The following SOX5 variants were observed in gnomAD, a reference collection of about 807,000 sequenced individuals.
SOX5 encodes the protein transcription factor SOX-5.
SOX5 carries 9 observed loss-of-function variants against 92.0 expected under a neutral mutation model. That is an observed-to-expected ratio of 0.10 (90% CI 0.06 to 0.17). SOX5 has a LOEUF of 0.17. SOX5 is among the 10% of genes least tolerant of loss of function. The probability of loss-of-function intolerance (pLI) is 1.00; values close to 1 mark genes in which losing one functional copy is unlikely to be tolerated. For missense variants in SOX5, 642 were observed against 944.5 expected (o/e 0.68, Z 4.20); for synonymous variants, 344 against 336.3 (o/e 1.02, Z -0.25).
At position 24,172,474 on chromosome 12, in the gene SOX5, G is replaced by A. The variant is rs146633832; in HGVS notation, c.-2+40869C>T. 3.9e-5 allele frequency among the ~76,000 whole-genome samples: 6 copies of A among 152,252 alleles called. No homozygotes were observed. In the East Asian group the frequency reaches 1.2e-3, roughly 29 times the overall value. On this transcript the variant is annotated intron_variant, in intron 4 of 4. Coordinates refer to the SOX5 transcript ENST00000446891. ...AAATCACCTGAGCCCAGGAAGTCGA[G>A]GCTGCAGTGAGCTGTGTTCGTGTCA...
At chr12:23,865,529 G>C (rs2096801347) in intron 2 of SOX5, among the ~76,000 whole-genome samples, 1 of 152,032 alleles carries the variant, frequency 6.6e-6, no homozygotes, top group South Asian at 2.1e-4. Flanking sequence ...CGAAAAATTA[G>C]CTGGGCTTGG....
At chr12:23,967,631 C>T (rs766582468) in intron 4 of SOX5, among the ~76,000 whole-genome samples, 2 of 152,072 alleles carry the variant, frequency 1.3e-5, no homozygotes, top group Non-Finnish European at 1.5e-5. Context: ...AAAAACACTA[C>T]ATTTTATCTC....
At chr12:23,792,407 G>A (rs918037629) in intron 3 of SOX5, among the ~76,000 whole-genome samples, 6 of 151,786 alleles carry the variant, frequency 4.0e-5, no homozygotes, top group African/African-American at 1.2e-4. Flanking sequence ...GGTGGATCAT[G>A]AGGTCAGAAG....
intron 7 of SOX5, among the ~76,000 whole-genome samples, chr12:23,659,233 CAT>C (rs1309058256): frequency 6.6e-6 from 1 of 152,106 alleles, no homozygotes; most frequent in Non-Finnish European, 1.5e-5. Context: ...AACAATGAAA[CAT>C]GTGACATTAA....
chr12:24,432,230 T>C (rs1289455702), intron 1 of SOX5, among the ~76,000 whole-genome samples: 2 of 152,180 alleles, frequency 1.3e-5, no homozygotes, highest in Admixed American at 6.5e-5. Flanking sequence ...ACTTTACTGG[T>C]GCTGTAAGTC....
At chr12:23,643,234 A>G (rs1001359328) in intron 7 of SOX5, among the ~76,000 whole-genome samples, 1 of 152,214 alleles carries the variant, frequency 6.6e-6, no homozygotes, top group Non-Finnish European at 1.5e-5. Flanking sequence ...CAGAAGACTC[A>G]AGGATGACTT....
At chr12:24,291,946 GT>G (rs1946666319) in intron 2 of SOX5, among the ~76,000 whole-genome samples, 1 of 152,212 alleles carries the variant, frequency 6.6e-6, no homozygotes, top group African/African-American at 2.4e-5. Flanking sequence ...TTATGGATGG[GT>G]GGAGGTGGAA....
At chr12:24,303,519 T>C (rs778170691) in intron 2 of SOX5, among the ~76,000 whole-genome samples, 50 of 152,208 alleles carry the variant, frequency 3.3e-4, no homozygotes, top group Non-Finnish European at 6.6e-4. Flanking sequence ...ATTTTTAAGT[T>C]TAGATTTCCT....
intron 2 of SOX5, among the ~76,000 whole-genome samples, chr12:24,284,316 C>T (rs1945569484): frequency 6.6e-6 from 1 of 151,968 alleles, no homozygotes; most frequent in Admixed American, 6.6e-5. Context: ...TAGGCTGATC[C>T]CTGGAGGTCA....
At chr12:24,502,047 C>A (rs1948260034) in intron 1 of SOX5, among the ~76,000 whole-genome samples, 1 of 152,202 alleles carries the variant, frequency 6.6e-6, no homozygotes, top group Non-Finnish European at 1.5e-5. Context: ...AGACCTAATT[C>A]TTGGAAACAG....
At chr12:23,971,339 G>A (rs549903008) in intron 4 of SOX5, among the ~76,000 whole-genome samples, 1 of 151,424 alleles carries the variant, frequency 6.6e-6, no homozygotes, top group African/African-American at 2.4e-5. Flanking sequence ...AGCCAGGAAG[G>A]TCTAGATCTC....
intron 4 of SOX5, among the ~76,000 whole-genome samples, chr12:24,049,363 T>C (rs917209222): frequency 6.6e-6 from 1 of 152,220 alleles, no homozygotes; most frequent in African/African-American, 2.4e-5. Flanking sequence ...AACCACTTGT[T>C]TGACATTTCC....
chr12:24,236,929 T>A (rs1382261153), intron 3 of SOX5, among the ~76,000 whole-genome samples: 1 of 151,654 alleles, frequency 6.6e-6, no homozygotes, highest in Non-Finnish European at 1.5e-5. Context: ...AAAATGTAGA[T>A]CTGGATTACT....
At chr12:24,336,335 C>T (rs771889922) in intron 2 of SOX5, among the ~76,000 whole-genome samples, 25 of 152,000 alleles carry the variant, frequency 1.6e-4, no homozygotes, top group Non-Finnish European at 3.7e-4. Flanking sequence ...CCTTGTGATC[C>T]GCCTGCCTTG....
intron 4 of SOX5, among the ~76,000 whole-genome samples, chr12:24,002,191 A>T (rs1269682467): frequency 1.3e-5 from 2 of 152,130 alleles, no homozygotes; most frequent in Non-Finnish European, 2.9e-5. Context: ...GAAGGCAGGA[A>T]ATAAGAAAGA....
rs111593927 is a variant in SOX5, at chr12:23,583,904, G to T, written c.1165-8066C>A. ...AGATTTGTATACAAACATAAGCCAA[G>T]AACTACACAACTGTTTAATGATGGA... is the stretch of plus-strand genomic sequence containing the variant. On this transcript the variant is annotated intron_variant, in intron 9 of 14. Transcript: ENST00000451604. Among the ~76,000 whole-genome samples the T allele has an allele frequency of 5.3e-3, 807 of 152,070 alleles. 4 individuals are homozygous for T. Among genetic ancestry groups the T allele is most frequent in the African/African-American group, 0.018 (728 of 41,498 alleles).
intron 1 of SOX5, among the ~76,000 whole-genome samples, chr12:24,424,958 A>C (rs984629014): frequency 3.3e-5 from 5 of 152,162 alleles, no homozygotes; most frequent in Admixed American, 3.3e-4. Context: ...TTCAATTACA[A>C]GATAATCAGT....
intron 1 of SOX5, among the ~76,000 whole-genome samples, chr12:24,503,197 A>G (rs1202984291): frequency 6.6e-6 from 1 of 152,208 alleles, no homozygotes; most frequent in African/African-American, 2.4e-5. Flanking sequence ...AAAAAAAAGT[A>G]TTATCTCTGT....
At chr12:23,784,031 A>T (rs1223729077) in intron 3 of SOX5, among the ~76,000 whole-genome samples, 4 of 152,240 alleles carry the variant, frequency 2.6e-5, no homozygotes, top group African/African-American at 4.8e-5. Flanking sequence ...TAACTGCTGA[A>T]TAATTAACAT....
Sources: allele counts gnomAD v4.1 joint callset (sites outside exome capture counted in the v4.1 genomes callset), GRCh38; gene constraint gnomAD v4.1.1; transcripts MANE v1.5; gene names NCBI Gene and HGNC (gene_info 2026-07-23, HGNC 2026-07-21).